The following DDHD1 variants were observed in gnomAD, a reference collection of about 807,000 sequenced individuals.
The protein encoded by DDHD1 is DDHD domain containing 1, also known as phospholipase DDHD1.
A neutral mutation model predicts 96.4 loss-of-function variants in DDHD1; 49 were observed. The ratio of observed to expected loss-of-function variants is 0.51; its 90% CI spans 0.40 to 0.64. DDHD1 has a LOEUF of 0.64. DDHD1 is among the 30% of genes least tolerant of loss of function. The pLI is 0.00. For missense variants in DDHD1, 1,106 were observed against 1,161.2 expected, an observed-to-expected ratio of 0.95 and a Z score of 0.69; for synonymous variants, 442 against 446.5, an observed-to-expected ratio of 0.99 and a Z score of 0.13.
intron 1 of DDHD1, among the ~76,000 whole-genome samples, chr14:53,134,887 C>T (rs1437628997): frequency 2.0e-5 from 3 of 152,164 alleles, no homozygotes; most frequent in African/African-American, 4.8e-5. Flanking sequence ...CATCACCAAT[C>T]ATTCTATATA....
At position 53,055,547 on chromosome 14, in the gene DDHD1, C is replaced by T. The variant is rs112927984; in HGVS notation, c.2245+113G>A. The stretch of plus-strand genomic sequence containing the variant: ...CATTGGGAGGGTAGTTAATTCTAGA[C>T]ACAGGGATTAACTGCTGGGAGTTTC... On this transcript the variant is annotated intron_variant, in intron 10 of 12. Coordinates refer to ENST00000673822, the MANE Select transcript of DDHD1 (RefSeq NM_001160148.2). The T allele has an allele frequency of 7.5e-4, 790 of 1,060,282 alleles. 4 individuals carry two copies. The African/African-American group carries it at 0.011, about 15-fold the overall frequency. 65.7% of individuals were successfully genotyped at this position (1,060,282 alleles called of 1,614,324 possible).
rs545499912 is a variant in DDHD1, at chr14:53,058,405, G to A, written c.1992+72C>T. On this transcript the variant is annotated intron_variant, in intron 9 of 12. Transcript: ENST00000673822. ...GCTGGGATTACAAGCGTGAGCCACT[G>A]TGCCCAGCTGATAGATTCTTTTTAG... 9.9e-6 allele frequency: 15 copies of A among 1,514,298 alleles called. No homozygotes were observed. The East Asian group carries it at 3.4e-4, about 35-fold the overall frequency. The allele number at this position is 1,514,298 out of a possible 1,614,324, so 93.8% of individuals were successfully genotyped here. A position where few individuals can be genotyped will look rare whatever the true frequency, so the allele number is the denominator to read the frequency against.
At chr14:53,103,645 G>T (rs1887477151) in intron 2 of DDHD1, 38 bp downstream of exon 2, 6 of 1,486,166 alleles carry the variant, frequency 4.0e-6, no homozygotes, top group Admixed American at 2.1e-5. Context: ...CAACTTACTT[G>T]GTTTGTAGAA....
intron 1 of DDHD1, among the ~76,000 whole-genome samples, chr14:53,111,643 C>CA (rs943021942): frequency 1.3e-5 from 2 of 151,110 alleles, no homozygotes; most frequent in African/African-American, 4.9e-5. Context: ...TACCCCCCCC[C>CA]AAAAAAATAC....
chr14:53,095,006 C>G (rs1886760773), intron 2 of DDHD1, among the ~76,000 whole-genome samples: 1 of 152,124 alleles, frequency 6.6e-6, no homozygotes, highest in Non-Finnish European at 1.5e-5. Context: ...ATCCCTAGCA[C>G]CAAACAGAAT....
rs568878588 is a variant in DDHD1 at position 53,043,790 on chromosome 14, T to A, written c.*2978A>T. On this transcript the variant is annotated 3_prime_UTR_variant, in exon 13 of 13. Transcript: ENST00000673822. ...AGAAACACTGGATTATAAACAAGATTACTGTTGAAAAGAAAGTATGAACTA... is the reference window on the plus strand; with the variant it reads ...AGAAACACTGGATTATAAACAAGATAACTGTTGAAAAGAAAGTATGAACTA... 1.3e-5 allele frequency: 2 copies of A among 152,318 alleles called. No individual in the cohort carries two copies. Among genetic ancestry groups the A allele is most frequent in the South Asian group, 4.1e-4 (2 of 4,828 alleles). 9.4% of individuals were successfully genotyped at this position (152,318 alleles called of 1,614,324 possible).
rs1320324463 is a variant in DDHD1 at position 53,045,288 on chromosome 14, C to G, written c.*1480G>C. The G allele has an allele frequency of 6.6e-6, 1 of 152,400 alleles. No individual in the cohort carries two copies. Among genetic ancestry groups the G allele is most frequent in the African/African-American group, 2.4e-5 (1 of 41,412 alleles). 9.4% of individuals were successfully genotyped at this position (152,400 alleles called of 1,614,324 possible). A position where few individuals can be genotyped will look rare whatever the true frequency, so the allele number is the denominator to read the frequency against. On this transcript the variant is annotated 3_prime_UTR_variant, in exon 13 of 13. Transcript: ENST00000673822. ...CCAGGCTGGAGTGCATTGGTGTGAT[C>G]AGAGCTCACTGCAGCTTTGAACTTC...
At chr14:53,060,989 C>T in intron 8 of DDHD1, 137 bp downstream of exon 8, 2 of 819,012 alleles carry the variant, frequency 2.4e-6, no homozygotes, top group South Asian at 3.7e-5. Context: ...TGGCAGTGTC[C>T]AACATATAGT....
rs969025452 is a variant in DDHD1, at chr14:53,041,315, T to C, written c.*5453A>G. ...AATACTAAGCATGCACCCGCCCTTA[T>C]ACAAACACAAAGGCAGAGGAAAAGT... On this transcript the variant is annotated 3_prime_UTR_variant, in exon 13 of 13. Coordinates refer to ENST00000673822, the MANE Select transcript of DDHD1 (RefSeq NM_001160148.2). The C allele has an allele frequency of 2.0e-5, 3 of 152,162 alleles. No individual in the cohort carries two copies. Among genetic ancestry groups the C allele is most frequent in the Admixed American group, 2.0e-4 (3 of 15,256 alleles). The allele number at this position is 152,162 out of a possible 1,614,324, so 9.4% of individuals were successfully genotyped here.
rs772302393 is a variant in DDHD1, at chr14:53,152,845, C to T, written c.254G>A (p.Ser85Asn). 3.1e-6 allele frequency: 5 copies of T among 1,612,206 alleles called. No homozygotes were observed. In the African/African-American group the frequency reaches 5.4e-5, roughly 17 times the overall value. Residue 85 changes from serine (S) to asparagine (N), a missense_variant, in exon 1 of 13, where the codon AGT (serine) becomes AAT (asparagine). Physicochemically the swap from Ser to Asn is conservative, Grantham distance 46. Around this residue, in one of 2 missense-constraint regions of DDHD1, gnomAD observed 456 missense variants for 402.4 expected, o/e 1.13. Coordinates refer to ENST00000673822, the MANE Select transcript of DDHD1 (RefSeq NM_001160148.2). ...NHHLALDPCL[S>N]DENYDFSSAE... ...GGAGCTGAAGTCATAGTTCTCGTCA[C>T]TGAGGCAGGGGTCCAGCGCGAGGTG...
chr14:53,133,838 A>C (rs1486895405), intron 1 of DDHD1, among the ~76,000 whole-genome samples: 1 of 152,140 alleles, frequency 6.6e-6, no homozygotes, highest in Non-Finnish European at 1.5e-5. Context: ...CTGGATGATC[A>C]GTTCTTGTTA....
chr14:53,102,966 CGGTT>C, intron 2 of DDHD1: 1 of 1,480,952 alleles, frequency 6.8e-7, no homozygotes, highest in East Asian at 2.5e-5. Flanking sequence ...GATGAAGAAA[CGGTT>C]TTAGAAGAAA....
intron 2 of DDHD1, chr14:53,103,439 G>T: frequency 2.5e-6 from 1 of 405,028 alleles, no homozygotes; most frequent in Non-Finnish European, 4.3e-6. Context: ...GTAACAATCT[G>T]TACATTTATA....
intron 12 of DDHD1, among the ~76,000 whole-genome samples, chr14:53,049,657 C>CAAAAAAAA (rs11323291): frequency 4.7e-5 from 4 of 84,716 alleles, no homozygotes; most frequent in African/African-American, 8.9e-5. Context: ...TGAGCTAGGT[C>CAAAAAAAA]AAAAAAAAAA....
At chr14:53,085,369 G>T (rs1885858639) in intron 4 of DDHD1, among the ~76,000 whole-genome samples, 1 of 152,196 alleles carries the variant, frequency 6.6e-6, no homozygotes, top group Non-Finnish European at 1.5e-5. Context: ...ACACCTCCCA[G>T]TAGGGGCCAA....
intron 4 of DDHD1, among the ~76,000 whole-genome samples, chr14:53,089,795 G>A (rs1441352468): frequency 6.6e-6 from 1 of 152,140 alleles, no homozygotes; most frequent in South Asian, 2.1e-4. Context: ...CATGGGCAAA[G>A]ACTTCATGTC....
In DDHD1 at chr14:53,142,042, T is replaced by G. The variant is rs76963632; in HGVS notation, c.838+10219A>C. Among the ~76,000 whole-genome samples the G allele has an allele frequency of 8.5e-5, 13 of 152,314 alleles. No homozygotes were observed. In the East Asian group the frequency reaches 2.1e-3, roughly 25 times the overall value. ...TGCTAAGCATTCTGCATATATGTAC[T>G]TCAATTAAATCTAAATAATAATAAT... is the stretch of plus-strand genomic sequence containing the variant. On this transcript the variant is annotated intron_variant, in intron 1 of 12. Transcript: ENST00000673822.
intron 1 of DDHD1, among the ~76,000 whole-genome samples, chr14:53,123,350 G>A (rs1889158469): frequency 6.6e-6 from 1 of 151,852 alleles, no homozygotes; most frequent in Non-Finnish European, 1.5e-5. Context: ...GTTTCACCAT[G>A]TTGGCCAGGC....
chr14:53,072,473 T>C, intron 6 of DDHD1, 124 bp downstream of exon 6: 1 of 472,680 alleles, frequency 2.1e-6, no homozygotes, highest in South Asian at 6.2e-5. Context: ...AAGTAGGCTA[T>C]TTATAGATTA....
Sources: gnomAD v4.1 joint callset for allele counts (sites outside exome capture counted in the v4.1 genomes callset) on GRCh38, gnomAD v4.1.1 for gene constraint, gnomAD v4.1.1 regional missense constraint, MANE v1.5 for transcripts, NCBI Gene and HGNC (gene_info 2026-07-23, HGNC 2026-07-21) for gene names.